Variants in BRWD1 observed in about 807,000 individuals in gnomAD.
The protein encoded by BRWD1 is bromodomain and WD repeat domain containing 1.
A neutral mutation model predicts 251.2 loss-of-function variants in BRWD1; 82 were observed. The ratio of observed to expected loss-of-function variants is 0.33; its 90% CI spans 0.27 to 0.39. The LOEUF (loss-of-function observed/expected upper bound fraction) is 0.39, where lower values mean the gene tolerates loss of function less well. Among genes scored for constraint, BRWD1 ranks in the 10% least tolerant of loss-of-function variants. The pLI, the probability that BRWD1 is intolerant of heterozygous loss-of-function variation, is 1.00. For missense variants in BRWD1, 2,233 were observed against 2,711.6 expected (o/e 0.82, Z 3.92); for synonymous variants, 918 against 902.8 (o/e 1.02, Z -0.30).
Position 39,196,422 on chromosome 21 carries a change from T to C in BRWD1, c.6647A>G (p.Asp2216Gly). The part of the protein sequence containing the change: ...RQSKRPRLSV[D>G]DNDWEDLDYA... ...GTCCAAATCCTCCCAGTCATTATCA[T>C]CCACACTTAACCTAGGGCGTTTGCT... Residue 2216 changes from aspartate to glycine, a missense_variant, in exon 41 of 41, where the codon GAT becomes GGT. Physicochemically the swap from Asp to Gly is moderately conservative, Grantham distance 94. This residue lies in a region of BRWD1 where 928 missense variants were observed against 970.0 expected (regional missense o/e 0.96). Transcript: ENST00000342449. The C allele has an allele frequency of 1.2e-6, 2 of 1,613,810 alleles. No homozygotes were observed. Among genetic ancestry groups the C allele is most frequent in the Non-Finnish European group, 1.7e-6 (2 of 1,179,744 alleles).
chr21:39,246,694 G>A lies in BRWD1; in HGVS notation c.2481+1007C>T, dbSNP rs539950131. Among the ~76,000 whole-genome samples, 3 of 152,178 alleles carry A rather than the reference G, an allele frequency of 2.0e-5. No homozygotes were observed. In the South Asian group the frequency reaches 6.2e-4, roughly 32 times the overall value. Reference sequence around the variant, plus strand: ...AGGCAATAAAAAGTAAAAAAAGAATGAAGTATTGATACATGCTACACAAAT... The same window carrying A: ...AGGCAATAAAAAGTAAAAAAAGAATAAAGTATTGATACATGCTACACAAAT... On this transcript the variant is annotated intron_variant, in intron 21 of 40. Coordinates refer to ENST00000342449, the MANE Select transcript of BRWD1 (RefSeq NM_033656.4).
Position 39,190,539 on chromosome 21 carries a change from C to A in BRWD1, c.*5720G>T. The stretch of plus-strand genomic sequence containing the variant: ...ACCCTCTAGGTGCAAGTTATAAGCT[C>A]CCTCAAGCAAGCCTTTTATCAGAAA... On this transcript the variant is annotated 3_prime_UTR_variant, in exon 41 of 41. Coordinates refer to ENST00000342449, the MANE Select transcript of BRWD1 (RefSeq NM_033656.4). 1 of 985,326 alleles carries A rather than the reference C, an allele frequency of 1.0e-6. No individual in the cohort carries two copies. Among genetic ancestry groups the A allele is most frequent in the Non-Finnish European group, 1.2e-6 (1 of 829,894 alleles). 61.0% of individuals were successfully genotyped at this position (985,326 alleles called of 1,614,324 possible).
At position 39,225,037 on chromosome 21, in the gene BRWD1, T is replaced by C. The variant is rs753255293; in HGVS notation, c.3320+49A>G. 13 of 1,288,554 alleles carry C rather than the reference T, an allele frequency of 1.0e-5. No individual in the cohort carries two copies. In the South Asian group the frequency reaches 1.2e-4, roughly 12 times the overall value. 79.8% of individuals were successfully genotyped at this position (1,288,554 alleles called of 1,614,324 possible). ...GAAATGTATTATTTATACAGCAACC[T>C]GCCACACTGAATTACTGGGAAATGA... On this transcript the variant is annotated intron_variant, in intron 28 of 40. Transcript: ENST00000342449.
At chr21:39,211,246 A>G (rs1005190318) in intron 34 of BRWD1, among the ~76,000 whole-genome samples, 1 of 152,190 alleles carries the variant, frequency 6.6e-6, no homozygotes, top group African/African-American at 2.4e-5. Context: ...AATATGAAGC[A>G]CATCTGATAA....
intron 13 of BRWD1, among the ~76,000 whole-genome samples, chr21:39,274,127 T>C (rs554020901): frequency 2.0e-4 from 31 of 152,320 alleles, no homozygotes; most frequent in Non-Finnish European, 4.0e-4. Flanking sequence ...AGGTCAATGC[T>C]TTGAACCATA....
Position 39,250,838 on chromosome 21 carries a change from A to G in BRWD1, c.2307T>C (p.Tyr769=). The G allele has an allele frequency of 6.2e-7, 1 of 1,600,746 alleles. No individual in the cohort carries two copies. The highest frequency in any genetic ancestry group is 8.5e-7 in the Non-Finnish European group (1 of 1,174,830). The change falls in exon 20 of 41, where the codon TAT becomes TAC. Residue 769 remains tyrosine (Y), a synonymous_variant. Transcript: ENST00000342449. ...LEKGEEERNL[Y]IIGRKRKTLQ... ...GAGTCTTTCTTTTTCTTCCTATTAT[A>G]TAAAGATTTCTTTCCTCTTCACCTT...
At chr21:39,218,313 T>C (rs377342355) in intron 30 of BRWD1, 41 bp from the exon 31 acceptor site, 9 of 1,576,026 alleles carry the variant, frequency 5.7e-6, no homozygotes, top group South Asian at 3.6e-5. Context: ...AATAAATCCA[T>C]TGCCTCTAAG....
intron 8 of BRWD1, among the ~76,000 whole-genome samples, chr21:39,285,907 A>G (rs2035620321): frequency 1.3e-5 from 2 of 150,120 alleles, no homozygotes; most frequent in African/African-American, 2.4e-5. Context: ...TGTATTCGTC[A>G]AAGGTAGTTA....
chr21:39,283,483 T>C (rs1387264110), intron 8 of BRWD1, among the ~76,000 whole-genome samples: 1 of 152,224 alleles, frequency 6.6e-6, no homozygotes, highest in African/African-American at 2.4e-5. Flanking sequence ...AGGGGTTTTG[T>C]TGCTATTACA....
In BRWD1 at chr21:39,228,513, CCT is replaced by C; in HGVS notation, c.3193_3194del (p.Arg1065GlufsTer6). 6.2e-7 allele frequency: 1 copy of C among 1,611,704 alleles called. No individual in the cohort carries two copies. Among genetic ancestry groups the C allele is most frequent in the Non-Finnish European group, 8.5e-7 (1 of 1,178,132 alleles). On this transcript the variant is annotated frameshift_variant, in exon 27 of 41. Transcript: ENST00000342449. LOFTEE classifies it high-confidence loss of function. ...GGATAGACTTACAAGACTGCCAATTCCTCTGTCTTGCTTCATCATAAAATTGA... is the reference window on the plus strand; with the variant it reads ...GGATAGACTTACAAGACTGCCAATTCCTGTCTTGCTTCATCATAAAATTGA... ...LRQFYDEARQ[R>X]NWQSCDRFRS...
In BRWD1 at chr21:39,266,766, A is replaced by G. The variant is rs565434254; in HGVS notation, c.1531-1747T>C. On this transcript the variant is annotated intron_variant, in intron 15 of 40. Transcript: ENST00000342449. ...TATTCATGAAATATTGTTGCTATTAATAACTGACAACCCTATTTAGTCTAT... is the reference window on the plus strand; with the variant it reads ...TATTCATGAAATATTGTTGCTATTAGTAACTGACAACCCTATTTAGTCTAT... 7.9e-5 allele frequency among the ~76,000 whole-genome samples: 12 copies of G among 152,372 alleles called. No individual in the cohort carries two copies. In the South Asian group the frequency reaches 2.5e-3, roughly 32 times the overall value.
Position 39,187,627 on chromosome 21 carries a change from A to G in BRWD1, c.*8632T>C. ...TCTACAACTATAAGGATGTCACTTAAAACAGTAGCAGACTTGTAAGAATGG... is the reference window on the plus strand; with the variant it reads ...TCTACAACTATAAGGATGTCACTTAGAACAGTAGCAGACTTGTAAGAATGG... On this transcript the variant is annotated 3_prime_UTR_variant, in exon 41 of 41. Transcript: ENST00000342449. 3.0e-6 allele frequency: 3 copies of G among 985,334 alleles called. No homozygotes were observed. Among genetic ancestry groups the G allele is most frequent in the Non-Finnish European group, 3.6e-6 (3 of 829,846 alleles). 61.0% of individuals were successfully genotyped at this position (985,334 alleles called of 1,614,324 possible).
Position 39,189,321 on chromosome 21 carries a change from T to C in BRWD1, c.*6938A>G. 2.0e-6 allele frequency: 2 copies of C among 985,248 alleles called. No homozygotes were observed. Among genetic ancestry groups the C allele is most frequent in the Non-Finnish European group, 2.4e-6 (2 of 829,752 alleles). The allele number at this position is 985,248 out of a possible 1,614,324, so 61.0% of individuals were successfully genotyped here. ...CAAATAGATAAAATTCTATTTCAACTACAATTTGTAACAAAATGCTTTAAG... is the reference window on the plus strand; with the variant it reads ...CAAATAGATAAAATTCTATTTCAACCACAATTTGTAACAAAATGCTTTAAG... On this transcript the variant is annotated 3_prime_UTR_variant, in exon 41 of 41. Transcript: ENST00000342449.
At chr21:39,283,547 A>G (rs1219827064) in intron 8 of BRWD1, among the ~76,000 whole-genome samples, 1 of 152,216 alleles carries the variant, frequency 6.6e-6, no homozygotes, top group African/African-American at 2.4e-5. Context: ...GGTGTACAAT[A>G]AAGTTCTGGT....
In BRWD1 at chr21:39,194,942, A is replaced by C. The variant is rs2031734638; in HGVS notation, c.*1317T>G. 6.8e-7 allele frequency: 1 copy of C among 1,464,486 alleles called. No homozygotes were observed. The highest frequency in any genetic ancestry group is 2.5e-5 in the East Asian group (1 of 40,218). 90.7% of individuals were successfully genotyped at this position (1,464,486 alleles called of 1,614,324 possible). ...GTAACATATCCCTTACCCACTAAATATGTAAACCATTTGAATCAAGTCCAT... is the reference window on the plus strand; with the variant it reads ...GTAACATATCCCTTACCCACTAAATCTGTAAACCATTTGAATCAAGTCCAT... On this transcript the variant is annotated 3_prime_UTR_variant, in exon 41 of 41. Coordinates refer to ENST00000342449, the MANE Select transcript of BRWD1 (RefSeq NM_033656.4).
intron 22 of BRWD1, 103 bp from the exon 23 acceptor site, chr21:39,236,887 A>T: frequency 9.7e-7 from 1 of 1,034,610 alleles, no homozygotes; most frequent in Non-Finnish European, 1.4e-6. Context: ...GAAAAAGGGA[A>T]GGGAAGATAC....
chr21:39,240,955 C>T (rs2146579636), intron 21 of BRWD1, among the ~76,000 whole-genome samples: 1 of 151,606 alleles, frequency 6.6e-6, no homozygotes, highest in South Asian at 2.1e-4. Context: ...GGCTGGAGGG[C>T]AGTGGCACTG....
intron 8 of BRWD1, among the ~76,000 whole-genome samples, chr21:39,284,404 A>C (rs1020797159): frequency 2.2e-4 from 33 of 152,216 alleles, no homozygotes; most frequent in African/African-American, 5.3e-4. Flanking sequence ...ACTTGAGCTC[A>C]TAAGTTTGAG....
At chr21:39,283,757 T>C (rs1051638152) in intron 8 of BRWD1, among the ~76,000 whole-genome samples, 5 of 152,222 alleles carry the variant, frequency 3.3e-5, no homozygotes, top group African/African-American at 1.2e-4. Context: ...CAACATTTCA[T>C]CAATTGCAGT....
Sources: gnomAD v4.1 joint callset for allele counts (sites outside exome capture counted in the v4.1 genomes callset) on GRCh38, gnomAD v4.1.1 for gene constraint, gnomAD v4.1.1 regional missense constraint, MANE v1.5 for transcripts, NCBI Gene and HGNC (gene_info 2026-07-23, HGNC 2026-07-21) for gene names.